CMBL: variants seen among roughly 807,000 people sequenced by gnomAD.
The protein encoded by CMBL is carboxymethylenebutenolidase homolog (Pseudomonas).
A neutral mutation model predicts 28.7 loss-of-function variants in CMBL; 17 were observed. The ratio of observed to expected loss-of-function variants is 0.59; its 90% confidence interval spans 0.41 to 0.89. The LOEUF is 0.89. Ranked by LOEUF, CMBL falls within the 40% of genes least tolerant of loss-of-function variation. The pLI is 0.00. For missense variants in CMBL, 310 were observed against 298.5 expected, an observed-to-expected ratio of 1.04 and a Z score of -0.28; for synonymous variants, 106 against 101.6, an observed-to-expected ratio of 1.04 and a Z score of -0.26.
rs757331065 is a variant in CMBL, at chr5:10,282,272, A to G, written c.483T>C (p.Ser161=). 6 of 1,610,180 alleles carry G rather than the reference A, an allele frequency of 3.7e-6. No homozygotes were observed. The highest frequency in any genetic ancestry group is 1.1e-5 in the South Asian group (1 of 91,022). ...GGTTCTTTAAATTGTAAATGTCTTC[A>G]GAATCCTTGACAATGCCTGAAAAAC... is the stretch of plus-strand genomic sequence containing the variant. ...GVSVYGIVKD[S]EDIYNLKNPT... Residue 161 remains serine, a synonymous_variant, in exon 5 of 6, where the codon TCT becomes TCC. Transcript: ENST00000296658.
intron 5 of CMBL, among the ~76,000 whole-genome samples, 175 bp downstream of exon 5, chr5:10,282,022 C>CA (rs1554013253): frequency 1.3e-5 from 2 of 151,722 alleles, no homozygotes; most frequent in African/African-American, 4.9e-5. Context: ...TACCCAGGTG[C>CA]GGTGGTGGGC....
rs1746658775 is a variant in CMBL, at chr5:10,289,092, A to T, written c.216-563T>A. On this transcript the variant is annotated intron_variant, in intron 2 of 5. Transcript: ENST00000296658. This position sits in a 1 kb window ranked among gnomAD's most constrained non-coding sequence, Gnocchi z 4.3. ...CCAGTCCAGGTCGCTCTTCCATGCA[A>T]GTCAACCCAGAGGGATAGAGCCAGC... 6.6e-6 allele frequency among the ~76,000 whole-genome samples: 1 copy of T among 152,196 alleles called. No homozygotes were observed. Among genetic ancestry groups the T allele is most frequent in the African/African-American group, 2.4e-5 (1 of 41,456 alleles).
At chr5:10,287,643 C>G (rs116339752) in intron 3 of CMBL, among the ~76,000 whole-genome samples, 1 of 152,080 alleles carries the variant, frequency 6.6e-6, no homozygotes, top group Non-Finnish European at 1.5e-5. Context: ...ATGCTATCCC[C>G]GCTGGGTGCA....
chr5:10,295,340 C>T (rs965956528), intron 1 of CMBL, among the ~76,000 whole-genome samples: 23 of 152,168 alleles, frequency 1.5e-4, no homozygotes, highest in African/African-American at 5.1e-4. Flanking sequence ...CCACCTTGGC[C>T]TCCCAAAGTG....
In CMBL at chr5:10,289,881, G is replaced by A. The variant is rs1746673488; in HGVS notation, c.215+667C>T. 6.6e-6 allele frequency among the ~76,000 whole-genome samples: 1 copy of A among 152,210 alleles called. No individual in the cohort carries two copies. The highest frequency in any genetic ancestry group is 2.4e-5 in the African/African-American group (1 of 41,458). On this transcript the variant is annotated intron_variant, in intron 2 of 5. Transcript: ENST00000296658. This position sits in a 1 kb window ranked among gnomAD's most constrained non-coding sequence, Gnocchi z 4.3. Reference sequence around the variant, plus strand: ...CTTCTGTGAAAACAAAGGAAATCCAGCCGTGCACCATCCTCAGGGCTCACT... The same window carrying A: ...CTTCTGTGAAAACAAAGGAAATCCAACCGTGCACCATCCTCAGGGCTCACT...
intron 1 of CMBL, chr5:10,291,978 G>A (rs1225574959): frequency 6.6e-6 from 1 of 152,176 alleles, no homozygotes; most frequent in Non-Finnish European, 1.5e-5. Context: ...AATTCACCTA[G>A]AAACACTTGG....
chr5:10,305,302 T>C (rs1206847881), intron 1 of CMBL, among the ~76,000 whole-genome samples: 1 of 152,134 alleles, frequency 6.6e-6, no homozygotes, highest in Non-Finnish European at 1.5e-5. Flanking sequence ...TGCAAGGTGC[T>C]GCATATGTGT....
In CMBL at chr5:10,280,621, C is replaced by T; in HGVS notation, c.570G>A (p.Leu190=). 1 of 1,604,148 alleles carries T rather than the reference C, an allele frequency of 6.2e-7. No individual in the cohort carries two copies. The highest frequency in any genetic ancestry group is 8.5e-7 in the Non-Finnish European group (1 of 1,171,822). Residue 190 remains leucine (L), a synonymous_variant, in exon 6 of 6, where the codon CTG becomes CTA. Transcript: ENST00000296658. ...VVIPLKDVSL[L]TQKLKEHCKV... Reference sequence around the variant, plus strand: ...TGCAGTGTTCTTTCAACTTCTGAGTCAGCAAAGATACCTGGTGTGCAAAAG... The same window carrying T: ...TGCAGTGTTCTTTCAACTTCTGAGTTAGCAAAGATACCTGGTGTGCAAAAG...
In CMBL at chr5:10,284,067, C is replaced by T. The variant is rs966075609; in HGVS notation, c.467-1779G>A. ...GGGAGCCACGGGAAAGGTGACCACG[C>T]TCCCTTCCCCACTCTAGCAAAGCTA... is the stretch of plus-strand genomic sequence containing the variant. On this transcript the variant is annotated intron_variant, in intron 4 of 5. Coordinates refer to ENST00000296658, the MANE Select transcript of CMBL (RefSeq NM_138809.4). Among the ~76,000 whole-genome samples the T allele has an allele frequency of 2.6e-5, 4 of 152,242 alleles. No individual in the cohort carries two copies. In the East Asian group the frequency reaches 7.7e-4, roughly 29 times the overall value.
chr5:10,282,947 A>G (rs1354624531), intron 4 of CMBL, among the ~76,000 whole-genome samples: 5 of 151,262 alleles, frequency 3.3e-5, no homozygotes, highest in African/African-American at 1.2e-4. Context: ...AAAATTAGCT[A>G]GGTGTGGTGG....
chr5:10,291,447 G>C (rs1697019209), intron 1 of CMBL, among the ~76,000 whole-genome samples: 1 of 152,108 alleles, frequency 6.6e-6, no homozygotes, highest in African/African-American at 2.4e-5. Flanking sequence ...CGGATCACGA[G>C]GTCAGGAGAT....
intron 3 of CMBL, among the ~76,000 whole-genome samples, chr5:10,287,204 A>C (rs1231529573): frequency 6.6e-6 from 1 of 152,226 alleles, no homozygotes; most frequent in Non-Finnish European, 1.5e-5. Flanking sequence ...ACGTATGTTT[A>C]TTGTAGCACG....
At chr5:10,294,021 T>C (rs970155145) in intron 1 of CMBL, among the ~76,000 whole-genome samples, 1 of 152,020 alleles carries the variant, frequency 6.6e-6, no homozygotes, top group Non-Finnish European at 1.5e-5. Flanking sequence ...AGGCGAGGGG[T>C]GGTGCCCTGC....
chr5:10,290,617 T>C lies in CMBL; in HGVS notation c.146A>G (p.Gln49Arg), dbSNP rs1746693802. 6.2e-7 allele frequency: 1 copy of C among 1,614,240 alleles called. No homozygotes were observed. Among genetic ancestry groups the C allele is most frequent in the Non-Finnish European group, 8.5e-7 (1 of 1,180,042 alleles). The change falls in exon 2 of 6, where the codon CAA becomes CGA. Residue 49 changes from glutamine to arginine, a missense_variant. Coordinates refer to ENST00000296658, the MANE Select transcript of CMBL (RefSeq NM_138809.4). ...GGGCAACTGCCAGCCAAATATATCT[T>C]GAATGACAATCACAGCTTTGCCTGC... ...VDAGKAVIVIQDIFGWQLPNT... is the reference protein window; with the variant it reads ...VDAGKAVIVIRDIFGWQLPNT...
chr5:10,285,447 G>A (rs942028963), intron 4 of CMBL, among the ~76,000 whole-genome samples: 6 of 152,080 alleles, frequency 3.9e-5, no homozygotes, highest in Admixed American at 6.6e-5. Context: ...GATTATAGGC[G>A]TGAGCCACCA....
rs777739414 is a variant in CMBL at position 10,290,727 on chromosome 5, A to T, written c.36T>A (p.Ile12=). Residue 12 remains isoleucine (I), a synonymous_variant, in exon 2 of 6, where the codon ATT becomes ATA. Coordinates refer to ENST00000296658, the MANE Select transcript of CMBL (RefSeq NM_138809.4). The stretch of plus-strand genomic sequence containing the variant: ...GCCCTCCATACTCAAGTCTGTGGCC[A>T]ATGTCACACGGACAAGGATAAGCTT... ...ANEAYPCPCD[I]GHRLEYGGLG... is the part of the protein sequence containing the mutation. The T allele has an allele frequency of 1.2e-6, 2 of 1,614,228 alleles. No individual in the cohort carries two copies. The highest frequency in any genetic ancestry group is 1.7e-6 in the Non-Finnish European group (2 of 1,180,038).
chr5:10,294,248 T>C (rs931747633), intron 1 of CMBL, among the ~76,000 whole-genome samples: 6 of 152,182 alleles, frequency 3.9e-5, no homozygotes, highest in Admixed American at 2.0e-4. Flanking sequence ...CTGGAGAATT[T>C]TGGGGAAATG....
intron 1 of CMBL, among the ~76,000 whole-genome samples, chr5:10,300,476 T>C (rs1008208666): frequency 6.6e-6 from 1 of 152,140 alleles, no homozygotes; most frequent in African/African-American, 2.4e-5. Flanking sequence ...AACAGTTCGA[T>C]GAACAGGCTG....
intron 1 of CMBL, among the ~76,000 whole-genome samples, chr5:10,306,772 G>C (rs1323381425): frequency 1.3e-5 from 2 of 152,140 alleles, no homozygotes. Flanking sequence ...CTATGGTCGA[G>C]ATAGCATGAA....
Sources: gnomAD v4.1 joint callset for allele counts (sites outside exome capture counted in the v4.1 genomes callset) on GRCh38, gnomAD v4.1.1 for gene constraint, Gnocchi (gnomAD v3.1) non-coding constraint, MANE v1.5 for transcripts, NCBI Gene and HGNC (gene_info 2026-07-23, HGNC 2026-07-21) for gene names.